The following DDX55 variants were observed in gnomAD, a reference collection of about 807,000 sequenced individuals.
The protein encoded by DDX55 is ATP-dependent RNA helicase DDX55.
Under a neutral mutation model 69.2 loss-of-function variants are expected in DDX55, and 56 were observed. The observed-to-expected ratio is 0.81, with a 90% CI of 0.65 to 1.01. DDX55 has a LOEUF of 1.01. Ranked by LOEUF, DDX55 falls within the 50% of genes least tolerant of loss-of-function variation. The probability of loss-of-function intolerance (pLI) is 0.00; values close to 1 mark genes in which losing one functional copy is unlikely to be tolerated. For missense variants in DDX55, 720 were observed against 745.1 expected (o/e 0.97, Z 0.39); for synonymous variants, 268 against 273.1 (o/e 0.98, Z 0.18).
intron 1 of DDX55, among the ~76,000 whole-genome samples, chr12:123,602,689 T>C (rs1593656892): frequency 6.6e-6 from 1 of 152,240 alleles, no homozygotes; most frequent in Non-Finnish European, 1.5e-5. Flanking sequence ...TCTTCAAGAA[T>C]ATTTCTTGAG....
chr12:123,606,040 G>C (rs1366521967), intron 2 of DDX55, 33 bp from the exon 3 acceptor site: 1 of 1,555,096 alleles, frequency 6.4e-7, no homozygotes, highest in Non-Finnish European at 8.6e-7. Flanking sequence ...GAACTCTGAG[G>C]AAGAAAGGGA....
At chr12:123,608,589 T>G (rs1174838768) in intron 5 of DDX55, 91 bp from the exon 6 acceptor site, 7 of 1,475,564 alleles carry the variant, frequency 4.7e-6, no homozygotes, top group African/African-American at 4.2e-5. Flanking sequence ...TTAAATGACT[T>G]TGGGGGGATA....
chr12:123,603,441 G>C (rs786430), intron 1 of DDX55, among the ~76,000 whole-genome samples: 123,686 of 146,672 alleles, frequency 0.84, 52,540 homozygotes, highest in East Asian at 0.97. Flanking sequence ...GCCCAGGCTG[G>C]AGTGCAGTGG....
Position 123,620,047 on chromosome 12 carries a change from TGAA to T in DDX55, c.1717_1719del (p.Glu573del), listed in dbSNP as rs1163058101. ...AAAAACTTAAGAAAGGCAAAATAACTGAAGAAGAATTTGAGAAGGGCTTGTTGA... is the reference window on the plus strand; with the variant it reads ...AAAAACTTAAGAAAGGCAAAATAACTGAAGAATTTGAGAAGGGCTTGTTGA... On this transcript the variant is annotated inframe_deletion, in exon 14 of 14. Transcript: ENST00000238146. The T allele has an allele frequency of 8.1e-6, 13 of 1,613,950 alleles. No homozygotes were observed. Among genetic ancestry groups the T allele is most frequent in the Admixed American group, 1.7e-5 (1 of 59,994 alleles).
In DDX55 at chr12:123,617,738, T is replaced by G; in HGVS notation, c.1050-20T>G. ...AGCTGTCATCACCTGGGTACCCATT[T>G]CCACCCTGTGTTCTCACAGTGCCTT... On this transcript the variant is annotated intron_variant, in intron 10 of 13. Coordinates refer to ENST00000238146, the MANE Select transcript of DDX55 (RefSeq NM_020936.3). The G allele has an allele frequency of 6.3e-7, 1 of 1,599,706 alleles. No individual in the cohort carries two copies. Among genetic ancestry groups the G allele is most frequent in the Non-Finnish European group, 8.5e-7 (1 of 1,172,464 alleles).
rs755887325 is a variant in DDX55, at chr12:123,617,949, A to G, written c.1164+77A>G. ...AAAGTTCTCCAGCATGTGGTCAGCA[A>G]TTGAAATTACGAATTGCAAACTCAC... On this transcript the variant is annotated intron_variant, in intron 11 of 13. Transcript: ENST00000238146. The G allele has an allele frequency of 3.5e-6, 5 of 1,445,238 alleles. No homozygotes were observed. In the South Asian group the frequency reaches 5.8e-5, roughly 17 times the overall value. 89.5% of individuals were successfully genotyped at this position (1,445,238 alleles called of 1,614,324 possible).
chr12:123,614,488 C>G (rs1328428908), intron 8 of DDX55, among the ~76,000 whole-genome samples: 3 of 152,168 alleles, frequency 2.0e-5, no homozygotes, highest in Non-Finnish European at 2.9e-5. Flanking sequence ...TGGGAAGTCA[C>G]TTGGGAATGC....
intron 1 of DDX55, 31 bp from the exon 2 acceptor site, chr12:123,605,900 T>A: frequency 1.9e-6 from 3 of 1,614,162 alleles, no homozygotes; most frequent in Non-Finnish European, 2.5e-6. Context: ...ATGGCATCCT[T>A]TAACCAGTGC....
At position 123,606,097 on chromosome 12, in the gene DDX55, G is replaced by A. The variant is rs116143975; in HGVS notation, c.184G>A (p.Ala62Thr). 685 of 1,614,116 alleles carry A rather than the reference G, an allele frequency of 4.2e-4. 3 individuals are homozygous for A. In the African/African-American group the frequency reaches 6.8e-3, roughly 16 times the overall value. Reference protein sequence around the residue: ...EAVTGSGKTLAFVIPILEILL... With the variant: ...EAVTGSGKTLTFVIPILEILL... ...GGTCACAGGTAGTGGCAAAACACTC[G>A]CTTTTGTCATCCCCATCCTGGAAAT... Residue 62 changes from alanine (A) to threonine (T), a missense_variant, in exon 3 of 14, where the codon GCT (alanine) becomes ACT (threonine). Physicochemically the swap from Ala to Thr is moderately conservative, Grantham distance 58. Transcript: ENST00000238146.
chr12:123,606,289 G>C, intron 3 of DDX55, 130 bp downstream of exon 3: 1 of 1,134,284 alleles, frequency 8.8e-7, no homozygotes, highest in Non-Finnish European at 1.2e-6. Context: ...AGCACTTTGG[G>C]AGACTGAGTC....
At chr12:123,615,914 G>A (rs1057135423) in intron 9 of DDX55, among the ~76,000 whole-genome samples, 22 of 152,158 alleles carry the variant, frequency 1.4e-4, no homozygotes, top group African/African-American at 4.1e-4. Context: ...CCCAGGAGGC[G>A]GAGCTTGCAG....
chr12:123,613,350 T>A, intron 8 of DDX55, 98 bp downstream of exon 8: 1 of 1,189,370 alleles, frequency 8.4e-7, no homozygotes, highest in Non-Finnish European at 1.2e-6. Context: ...AGCATGGTTC[T>A]CTCCGGAATG....
In DDX55 at chr12:123,620,627, T is replaced by TATATATATATAA. The variant is rs1250251932; in HGVS notation, c.*488_*489insTATATATATAAA. On this transcript the variant is annotated 3_prime_UTR_variant, in exon 14 of 14. Coordinates refer to ENST00000238146, the MANE Select transcript of DDX55 (RefSeq NM_020936.3). ...ATATATATATATATATATATATATA[T>TATATATATATAA]AAGCTCTTTTTTCTGAGGCTATTTT... The TATATATATATAA allele has an allele frequency of 7.0e-5, 7 of 99,840 alleles. No homozygotes were observed. Among genetic ancestry groups the TATATATATATAA allele is most frequent in the Non-Finnish European group, 1.1e-4 (5 of 46,670 alleles). 6.2% of individuals were successfully genotyped at this position (99,840 alleles called of 1,614,324 possible).
chr12:123,612,652 T>C (rs1954333659), intron 7 of DDX55, among the ~76,000 whole-genome samples: 1 of 151,760 alleles, frequency 6.6e-6, no homozygotes, highest in African/African-American at 2.4e-5. Flanking sequence ...AATCAGAATC[T>C]GTATGTCGTA....
chr12:123,618,930 T>G, intron 12 of DDX55, 93 bp downstream of exon 12: 2 of 1,533,458 alleles, frequency 1.3e-6, no homozygotes, highest in Non-Finnish European at 1.8e-6. Flanking sequence ...AAAGGAAGTG[T>G]TCCCAGGTTT....
In DDX55 at chr12:123,619,448, C is replaced by A. The variant is rs143479625; in HGVS notation, c.1350C>A (p.Ser450Arg). ...IFRLKDLDFA[S>R]LARGFALLRM... is the part of the protein sequence containing the mutation. Reference sequence around the variant, plus strand: ...TTGAATCAGATCTTGATTTTGCCAGCCTTGCTCGAGGTTTTGCCCTGCTGA... The same window carrying A: ...TTGAATCAGATCTTGATTTTGCCAGACTTGCTCGAGGTTTTGCCCTGCTGA... Residue 450 changes from serine (S) to arginine (R), a missense_variant, in exon 13 of 14, where the codon AGC becomes AGA. Transcript: ENST00000238146. 678 of 1,612,326 alleles carry A rather than the reference C, an allele frequency of 4.2e-4. No homozygotes were observed. The highest frequency in any genetic ancestry group is 5.1e-4 in the Non-Finnish European group (597 of 1,179,390).
intron 7 of DDX55, among the ~76,000 whole-genome samples, chr12:123,611,704 C>T (rs1356222628): frequency 6.6e-6 from 1 of 152,180 alleles, no homozygotes; most frequent in Non-Finnish European, 1.5e-5. Context: ...CCTAGTGTAA[C>T]TGGAGAGTGT....
chr12:123,620,590 A>T lies in DDX55; in HGVS notation c.*450A>T, dbSNP rs1367092898. ...AGACATATGTACATATTATATATAT[A>T]TATATATATATATATATATATATAT... On this transcript the variant is annotated 3_prime_UTR_variant, in exon 14 of 14. Coordinates refer to ENST00000238146, the MANE Select transcript of DDX55 (RefSeq NM_020936.3). 4 of 59,976 alleles carry T rather than the reference A, an allele frequency of 6.7e-5. No individual in the cohort carries two copies. The highest frequency in any genetic ancestry group is 2.3e-4 in the African/African-American group (4 of 17,104). The allele number at this position is 59,976 out of a possible 1,614,324, so 3.7% of individuals were successfully genotyped here.
chr12:123,607,873 G>A, intron 5 of DDX55: 1 of 630,890 alleles, frequency 1.6e-6, no homozygotes, highest in Non-Finnish European at 2.7e-6. Context: ...GGTTCTTACA[G>A]AGGTCAAGAG....
Sources: allele counts gnomAD v4.1 joint callset (sites outside exome capture counted in the v4.1 genomes callset), GRCh38; gene constraint gnomAD v4.1.1; transcripts MANE v1.5; gene names NCBI Gene and HGNC (gene_info 2026-07-23, HGNC 2026-07-21).